Variants in SLCO6A1 observed in about 807,000 individuals in gnomAD.
SLCO6A1 encodes the protein solute carrier organic anion transporter family member 6A1, also known as cancer/testis antigen 48.
SLCO6A1 carries 65 observed loss-of-function variants against 72.7 expected under a neutral mutation model. The ratio of observed to expected loss-of-function variants is 0.89; its 90% CI spans 0.73 to 1.10. The LOEUF (loss-of-function observed/expected upper bound fraction) is 1.10, where lower values mean the gene tolerates loss of function less well. SLCO6A1 is among the 50% of genes least tolerant of loss of function. The pLI is 0.00. For synonymous variants in SLCO6A1, 314 were observed against 298.2 expected, an observed-to-expected ratio of 1.05 and a Z score of -0.55; for missense variants, 874 against 872.6, an observed-to-expected ratio of 1.00 and a Z score of -0.02.
Position 102,419,906 on chromosome 5 carries a change from T to A in SLCO6A1, c.1392A>T (p.Ile464=). Residue 464 remains isoleucine (I), a synonymous_variant, in exon 8 of 14, where the codon ATA becomes ATT. Transcript: ENST00000506729. ...TAATAAACACAAGCAGTATAAGTGA[T>A]ATCACAGATGTAACCATTATAAATC... ...LMRFIMVTSV[I]SLILLVFIIF... is the part of the protein sequence containing the mutation. The A allele has an allele frequency of 6.2e-7, 1 of 1,608,942 alleles. No homozygotes were observed. The highest frequency in any genetic ancestry group is 8.5e-7 in the Non-Finnish European group (1 of 1,178,496).
At chr5:102,445,454 A>G (rs1750057419) in intron 6 of SLCO6A1, among the ~76,000 whole-genome samples, 1 of 151,848 alleles carries the variant, frequency 6.6e-6, no homozygotes, top group Non-Finnish European at 1.5e-5. Context: ...TTGCTTGCTG[A>G]TTTGTTTGAG....
chr5:102,489,598 T>C (rs947402367), intron 1 of SLCO6A1, among the ~76,000 whole-genome samples: 2 of 152,064 alleles, frequency 1.3e-5, no homozygotes, highest in African/African-American at 4.8e-5. Flanking sequence ...AGACAGAAGA[T>C]ATGTATTAGC....
At chr5:102,474,582 T>C (rs1367362996) in intron 4 of SLCO6A1, among the ~76,000 whole-genome samples, 6 of 151,888 alleles carry the variant, frequency 4.0e-5, no homozygotes, top group Non-Finnish European at 7.4e-5. Context: ...ATGCACTACA[T>C]AGAACTTAAA....
chr5:102,462,700 C>T (rs1175951340), intron 4 of SLCO6A1, among the ~76,000 whole-genome samples: 1 of 152,186 alleles, frequency 6.6e-6, no homozygotes, highest in Admixed American at 6.5e-5. Flanking sequence ...AAGAAAGAAA[C>T]TGGATCCTCA....
chr5:102,496,327 A>G (rs1397720955), intron 1 of SLCO6A1, among the ~76,000 whole-genome samples: 2 of 152,248 alleles, frequency 1.3e-5, no homozygotes, highest in African/African-American at 4.8e-5. Flanking sequence ...AATGATTTTA[A>G]AATTGTTTAC....
rs777693916 is a variant in SLCO6A1, at chr5:102,475,722, G to A, written c.874C>T (p.Pro292Ser). ...TTTGTTGCAGAAGTAGTATTCTCAG[G>A]GACTTTAACTAGTGGTGCTCCTAGC... ...YVLGAPLVKVPENTTSATNTT... is the reference protein window; with the variant it reads ...YVLGAPLVKVSENTTSATNTT... Residue 292 changes from proline (P) to serine (S), a missense_variant, in exon 4 of 14, where the codon CCT becomes TCT. Physicochemically the swap from Pro to Ser is moderately conservative, Grantham distance 74 (BLOSUM62 -1). Transcript: ENST00000506729. 1 of 1,602,122 alleles carries A rather than the reference G, an allele frequency of 6.2e-7. No individual in the cohort carries two copies. Among genetic ancestry groups the A allele is most frequent in the East Asian group, 2.2e-5 (1 of 44,486 alleles).
In SLCO6A1 at chr5:102,456,542, C is replaced by T. The variant is rs140764967; in HGVS notation, c.1131+1840G>A. 9.5e-3 allele frequency among the ~76,000 whole-genome samples: 1,442 copies of T among 152,212 alleles called. 19 individuals carry two copies. Among genetic ancestry groups the T allele is most frequent in the African/African-American group, 0.033 (1,360 of 41,504 alleles). The stretch of plus-strand genomic sequence containing the variant: ...ATAAAATACCTAGGAATCCAACTTA[C>T]GAGGGTTGTGAAGAACCTCTTCAAG... On this transcript the variant is annotated intron_variant, in intron 6 of 13. Coordinates refer to ENST00000506729, the MANE Select transcript of SLCO6A1 (RefSeq NM_173488.5).
At chr5:102,425,901 G>C (rs1318669406) in intron 7 of SLCO6A1, among the ~76,000 whole-genome samples, 7 of 152,080 alleles carry the variant, frequency 4.6e-5, no homozygotes, top group Non-Finnish European at 8.8e-5. Flanking sequence ...AAACAGCATG[G>C]TACTGGTACC....
At chr5:102,486,521 G>T (rs1752448549) in intron 1 of SLCO6A1, among the ~76,000 whole-genome samples, 1 of 151,840 alleles carries the variant, frequency 6.6e-6, no homozygotes, top group Non-Finnish European at 1.5e-5. Flanking sequence ...AATCAACTGA[G>T]GTTAATTTAT....
rs74319559 is a variant in SLCO6A1, at chr5:102,406,110, G to A, written c.1627-6368C>T. On this transcript the variant is annotated intron_variant, in intron 9 of 13. Coordinates refer to ENST00000506729, the MANE Select transcript of SLCO6A1 (RefSeq NM_173488.5). ...TTCAATTCCAATAATAAAATAAGCA[G>A]CTAGATCTAAACTCAGCCATACTGA... Among the ~76,000 whole-genome samples the A allele has an allele frequency of 1.9e-3, 280 of 150,438 alleles. 1 individual carries two copies. Among genetic ancestry groups the A allele is most frequent in the Middle Eastern group, 3.4e-3 (1 of 292 alleles).
At chr5:102,444,288 A>G (rs189667629) in intron 6 of SLCO6A1, among the ~76,000 whole-genome samples, 11 of 152,308 alleles carry the variant, frequency 7.2e-5, no homozygotes, top group Non-Finnish European at 1.6e-4. Context: ...TGGGACATAT[A>G]GTGTCCCAAC....
Position 102,431,198 on chromosome 5 carries a change from A to G in SLCO6A1, c.1276+7419T>C, listed in dbSNP as rs549492657. The stretch of plus-strand genomic sequence containing the variant: ...GATCTTCTCTCTTATTAATTTTTCA[A>G]AAAACCAACTCTTGGATTCATTGTT... On this transcript the variant is annotated intron_variant, in intron 7 of 13. Coordinates refer to ENST00000506729, the MANE Select transcript of SLCO6A1 (RefSeq NM_173488.5). Among the ~76,000 whole-genome samples, 492 of 151,998 alleles carry G rather than the reference A, an allele frequency of 3.2e-3. 4 individuals are homozygous for G. The highest frequency in any genetic ancestry group is 0.011 in the African/African-American group (469 of 41,502).
At chr5:102,462,851 C>T (rs537352031) in intron 4 of SLCO6A1, among the ~76,000 whole-genome samples, 46 of 152,232 alleles carry the variant, frequency 3.0e-4, no homozygotes, top group Admixed American at 8.5e-4. Flanking sequence ...AGAAACTCTT[C>T]TAGATGTTGG....
intron 7 of SLCO6A1, among the ~76,000 whole-genome samples, chr5:102,435,422 T>C (rs1749474430): frequency 6.6e-6 from 1 of 151,482 alleles, no homozygotes; most frequent in Non-Finnish European, 1.5e-5. Context: ...AACACATGAA[T>C]TGTTACCCAA....
chr5:102,404,181 A>G (rs958125126), intron 9 of SLCO6A1, among the ~76,000 whole-genome samples: 1 of 152,182 alleles, frequency 6.6e-6, no homozygotes, highest in African/African-American at 2.4e-5. Flanking sequence ...GTTGTTTGAT[A>G]TGTATTCTCA....
intron 12 of SLCO6A1, among the ~76,000 whole-genome samples, chr5:102,383,077 T>C (rs1746204561): frequency 7.0e-6 from 1 of 142,948 alleles, no homozygotes; most frequent in Non-Finnish European, 1.5e-5. Flanking sequence ...CTATATATAG[T>C]GTATGTATAT....
chr5:102,418,065 T>C (rs1446906883), intron 8 of SLCO6A1, among the ~76,000 whole-genome samples: 1 of 152,090 alleles, frequency 6.6e-6, no homozygotes, highest in East Asian at 1.9e-4. Context: ...ATATTCTGGG[T>C]TGATATAAAA....
At chr5:102,392,219 C>A (rs1023414440) in intron 10 of SLCO6A1, among the ~76,000 whole-genome samples, 1 of 151,838 alleles carries the variant, frequency 6.6e-6, no homozygotes, top group Non-Finnish European at 1.5e-5. Flanking sequence ...TATATGTCTT[C>A]CTCATATATT....
chr5:102,492,114 A>T (rs375096287), intron 1 of SLCO6A1, among the ~76,000 whole-genome samples: 3 of 152,218 alleles, frequency 2.0e-5, no homozygotes, highest in African/African-American at 7.2e-5. Flanking sequence ...GCAAGGGGGA[A>T]GTCTGCCCCC....
Sources: gnomAD v4.1 joint callset for allele counts (sites outside exome capture counted in the v4.1 genomes callset) on GRCh38, gnomAD v4.1.1 for gene constraint, MANE v1.5 for transcripts, NCBI Gene and HGNC (gene_info 2026-07-23, HGNC 2026-07-21) for gene names.